The following SQSTM1 variants were observed in gnomAD, a reference collection of about 807,000 sequenced individuals.
SQSTM1 encodes sequestosome 1, also known as sequestosome-1.
A neutral mutation model predicts 45.1 loss-of-function variants in SQSTM1; 36 were observed. The ratio of observed to expected loss-of-function variants is 0.80; its 90% CI spans 0.61 to 1.05. The LOEUF is 1.05. SQSTM1 is among the 50% of genes least tolerant of loss of function. The pLI, the probability that SQSTM1 is intolerant of heterozygous loss-of-function variation, is 0.00. For synonymous variants in SQSTM1, 290 were observed against 244.3 expected (o/e 1.19, Z -1.74); for missense variants, 617 against 607.1 (o/e 1.02, Z -0.17).
rs753602551 is a variant in SQSTM1 at position 179,837,463 on chromosome 5, C to T, written c.*870C>T. The T allele has an allele frequency of 2.5e-6, 4 of 1,613,354 alleles. No individual in the cohort carries two copies. ...GTCGTGTGGGTCGAGGATTCTGTGC[C>T]TCCAGGACCAGGGGCCCACCCTCTG... On this transcript the variant is annotated 3_prime_UTR_variant, in exon 8 of 8. Transcript: ENST00000389805.
chr5:179,815,742 A>G (rs139466879), upstream of SQSTM1, among the ~76,000 whole-genome samples: 141 of 152,202 alleles, frequency 9.3e-4, 1 homozygote, highest in East Asian at 0.021. Context: ...CCCTACTTTT[A>G]CGCAAGAGTA....
At position 179,836,749 on chromosome 5, in the gene SQSTM1, G is replaced by T. The variant is rs964933084; in HGVS notation, c.*156G>T. 24 of 1,101,154 alleles carry T rather than the reference G, an allele frequency of 2.2e-5. No homozygotes were observed. In the African/African-American group the frequency reaches 2.8e-4, roughly 13 times the overall value. 68.2% of individuals were successfully genotyped at this position (1,101,154 alleles called of 1,614,324 possible). ...AGCCATTTAGGGCAGCAAAACAAGT[G>T]ACATGAAGGGAGGGTCCCTGTGTGT... On this transcript the variant is annotated 3_prime_UTR_variant, in exon 8 of 8. Transcript: ENST00000389805.
At chr5:179,820,752 G>T (rs1225148102), upstream of SQSTM1, 35 of 511,432 alleles carry the variant, frequency 6.8e-5, no homozygotes, top group Admixed American at 1.5e-3. Context: ...GGGTAGCGGG[G>T]AAGGGGAGAG....
rs199870008 is a variant in SQSTM1 at position 179,833,795 on chromosome 5, A to G, written c.1165+13A>G. 1.1e-5 allele frequency: 18 copies of G among 1,613,770 alleles called. No individual in the cohort carries two copies. The highest frequency in any genetic ancestry group is 1.7e-5 in the Admixed American group (1 of 59,994). On this transcript the variant is annotated intron_variant, in intron 7 of 7. Coordinates refer to ENST00000389805, the MANE Select transcript of SQSTM1 (RefSeq NM_003900.5). ...CATCTCCCGCCAGGCAAGTGAACCA[A>G]GAGGTTTTGTACATATTCCTACCTT...
chr5:179,811,069 C>T (rs1033668268), intron 1 of SQSTM1, among the ~76,000 whole-genome samples: 2 of 152,042 alleles, frequency 1.3e-5, no homozygotes, highest in East Asian at 1.9e-4. Flanking sequence ...GGTGAAACCC[C>T]GTCTCTACTA....
chr5:179,829,854 G>GGGAGACCAAGGCAGGCAGA, intron 5 of SQSTM1, among the ~76,000 whole-genome samples: 1 of 152,174 alleles, frequency 6.6e-6, no homozygotes, highest in Non-Finnish European at 1.5e-5. Flanking sequence ...CCAACACTTT[G>GGGAGACCAAGGCAGGCAGA]GGAGACCAAG....
At chr5:179,818,093 G>A (rs60291142), upstream of SQSTM1, among the ~76,000 whole-genome samples, 15,544 of 148,386 alleles carry the variant, frequency 0.1, 901 homozygotes, top group Admixed American at 0.16. Flanking sequence ...GGAAGGCCCC[G>A]CTGAGGAGGA....
Position 179,834,819 on chromosome 5 carries a change from G to A in SQSTM1, c.1165+1037G>A, listed in dbSNP as rs937879633. On this transcript the variant is annotated intron_variant, in intron 7 of 7. Coordinates refer to ENST00000389805, the MANE Select transcript of SQSTM1 (RefSeq NM_003900.5). ...TGTCTACTTCTTTCCACACAGACAC[G>A]GCAACCATCCGATTTCTCAATCTTT... Among the ~76,000 whole-genome samples, 422 of 149,204 alleles carry A rather than the reference G, an allele frequency of 2.8e-3. 2 individuals are homozygous for A. The highest frequency in any genetic ancestry group is 9.8e-3 in the African/African-American group (403 of 41,306).
rs372827450 is a variant in SQSTM1 at position 179,833,048 on chromosome 5, C to G, written c.771C>G (p.Ile257Met). 3.7e-6 allele frequency: 6 copies of G among 1,614,042 alleles called. No individual in the cohort carries two copies. Among genetic ancestry groups the G allele is most frequent in the Non-Finnish European group, 5.1e-6 (6 of 1,180,038 alleles). The change falls in exon 6 of 8, where the codon ATC becomes ATG. Residue 257 changes from isoleucine (I) to methionine (M), a missense_variant. By Grantham distance (10) the Ile-to-Met change is conservative. Coordinates refer to ENST00000389805, the MANE Select transcript of SQSTM1 (RefSeq NM_003900.5). ...ALSPLGIEVDIDVEHGGKRSR... is the reference protein window; with the variant it reads ...ALSPLGIEVDMDVEHGGKRSR... ...CGCCTCTAGGCATTGAAGTTGATATCGATGTGGAGCACGGAGGGAAAAGAA... is the reference window on the plus strand; with the variant it reads ...CGCCTCTAGGCATTGAAGTTGATATGGATGTGGAGCACGGAGGGAAAAGAA...
chr5:179,817,061 G>C (rs561883515), upstream of SQSTM1, among the ~76,000 whole-genome samples: 5 of 152,112 alleles, frequency 3.3e-5, no homozygotes, highest in African/African-American at 4.8e-5. Flanking sequence ...GAGGCCTTCC[G>C]CGGGCGTGCA....
chr5:179,818,561 C>T (rs1757652494), upstream of SQSTM1, among the ~76,000 whole-genome samples: 1 of 152,144 alleles, frequency 6.6e-6, no homozygotes, highest in Admixed American at 6.5e-5. Context: ...CAGAACCAGA[C>T]CACCCCTGTG....
In SQSTM1 at chr5:179,833,210, G is replaced by A. The variant is rs577797455; in HGVS notation, c.933G>A (p.Met311Ile). 7 of 1,610,024 alleles carry A rather than the reference G, an allele frequency of 4.3e-6. No homozygotes were observed. The South Asian group carries it at 4.4e-5, about 10-fold the overall frequency. ...EGATQSLAEQ[M>I]RKIALESEGR... The stretch of plus-strand genomic sequence containing the variant: ...CCACGCAGTCTCTGGCGGAGCAGAT[G>A]AGGAAGATCGCCTTGGAGTCCGAGG... The change falls in exon 6 of 8, where the codon ATG becomes ATA. Residue 311 changes from methionine (M) to isoleucine (I), a missense_variant. By Grantham distance (10) the Met-to-Ile change is conservative. Transcript: ENST00000389805.
intron 7 of SQSTM1, 24 bp from the exon 8 acceptor site, chr5:179,836,412 A>C (rs770648641): frequency 7.2e-5 from 117 of 1,614,024 alleles, no homozygotes; most frequent in Non-Finnish European, 9.3e-5. Context: ...ACCACTCCTC[A>C]TGGCTTCCTT....
rs1235853389 is a variant in SQSTM1 at position 179,806,612 on chromosome 5, G to A, written c.-157+21G>A. 1.7e-4 allele frequency: 201 copies of A among 1,193,458 alleles called. No homozygotes were observed. Among genetic ancestry groups the A allele is most frequent in the Non-Finnish European group, 2.1e-4 (196 of 932,460 alleles). 73.9% of individuals were successfully genotyped at this position (1,193,458 alleles called of 1,614,324 possible). ...CTCGGGTGCGCGGCGGGCGCCCGCG[G>A]GGCCGAGGCTGCATGGCCCGGGGGA... On this transcript the variant is annotated intron_variant, in intron 1 of 5. Coordinates refer to the SQSTM1 transcript ENST00000514093. The surrounding 1 kb of genome is among the most constrained non-coding windows in gnomAD (Gnocchi z 4.6).
At position 179,836,811 on chromosome 5, in the gene SQSTM1, GCAGCAGGGCTGGGCCTGCGAGA is replaced by G; in HGVS notation, c.*220_*241del. ...TGTTTCCTGGGTGCCCTGGCTCCTT[GCAGCAGGGCTGGGCCTGCGAGA>G]CCCAAGGCTCACTGCAGCGCGCTCC... On this transcript the variant is annotated 3_prime_UTR_variant, in exon 8 of 8. Coordinates refer to ENST00000389805, the MANE Select transcript of SQSTM1 (RefSeq NM_003900.5). 2 of 742,976 alleles carry G rather than the reference GCAGCAGGGCTGGGCCTGCGAGA, an allele frequency of 2.7e-6. No individual in the cohort carries two copies. Among genetic ancestry groups the G allele is most frequent in the Non-Finnish European group, 4.5e-6 (2 of 441,678 alleles). 46.0% of individuals were successfully genotyped at this position (742,976 alleles called of 1,614,324 possible). A position where few individuals can be genotyped will look rare whatever the true frequency, so the allele number is the denominator to read the frequency against.
chr5:179,833,063 A>G lies in SQSTM1; in HGVS notation c.786A>G (p.Gly262=), dbSNP rs1214357767. The G allele has an allele frequency of 1.2e-6, 2 of 1,614,144 alleles. No homozygotes were observed. Among genetic ancestry groups the G allele is most frequent in the South Asian group, 2.2e-5 (2 of 91,084 alleles). ...AAGTTGATATCGATGTGGAGCACGG[A>G]GGGAAAAGAAGCCGCCTGACCCCCG... The part of the protein sequence containing the change: ...GIEVDIDVEH[G]GKRSRLTPVS... Residue 262 remains glycine (G), a synonymous_variant, in exon 6 of 8, where the codon GGA becomes GGG. Transcript: ENST00000389805.
chr5:179,828,935 A>G (rs1009556620), intron 5 of SQSTM1, among the ~76,000 whole-genome samples: 1 of 151,944 alleles, frequency 6.6e-6, no homozygotes, highest in African/African-American at 2.4e-5. Flanking sequence ...AGCTTCAGAA[A>G]TCTCTGTGCC....
chr5:179,820,632 C>T (rs995248173), upstream of SQSTM1: 9 of 325,784 alleles, frequency 2.8e-5, no homozygotes, highest in African/African-American at 1.9e-4. Flanking sequence ...GGTGCAGAGG[C>T]TGGAGCCCAG....
chr5:179,815,718 T>C (rs1299556436), upstream of SQSTM1, among the ~76,000 whole-genome samples: 1 of 152,164 alleles, frequency 6.6e-6, no homozygotes, highest in Non-Finnish European at 1.5e-5. Flanking sequence ...GCTTTGGCCA[T>C]GGGGTTTACC....
Sources: allele counts gnomAD v4.1 joint callset (sites outside exome capture counted in the v4.1 genomes callset), GRCh38; gene constraint gnomAD v4.1.1; non-coding constraint Gnocchi (gnomAD v3.1); transcripts MANE v1.5; gene names NCBI Gene and HGNC (gene_info 2026-07-23, HGNC 2026-07-21).